CTNNBL1: variants seen among roughly 807,000 people sequenced by gnomAD.
CTNNBL1 encodes catenin beta like 1, also known as beta-catenin-like protein 1.
Under a neutral mutation model 72.7 loss-of-function variants are expected in CTNNBL1, and 31 were observed. The ratio of observed to expected loss-of-function variants is 0.43; its 90% confidence interval spans 0.32 to 0.58. The LOEUF (loss-of-function observed/expected upper bound fraction) is 0.58. CTNNBL1 is among the 20% of genes least tolerant of loss of function. The pLI is 0.08. For missense variants in CTNNBL1, 534 were observed against 725.1 expected, an observed-to-expected ratio of 0.74 and a Z score of 3.03; for synonymous variants, 240 against 267.3, an observed-to-expected ratio of 0.90 and a Z score of 1.00.
intron 7 of CTNNBL1, among the ~76,000 whole-genome samples, chr20:37,768,553 G>A (rs550950114): frequency 8.5e-5 from 13 of 152,252 alleles, no homozygotes; most frequent in South Asian, 8.3e-4. Context: ...TAAACAGTGC[G>A]GCTGTGAATA....
chr20:37,724,399 T>A (rs937941312), intron 1 of CTNNBL1, among the ~76,000 whole-genome samples: 5 of 151,992 alleles, frequency 3.3e-5, no homozygotes, highest in Non-Finnish European at 5.9e-5. Context: ...AGACTAGAAA[T>A]GTTTTACATT....
intron 1 of CTNNBL1, among the ~76,000 whole-genome samples, chr20:37,697,067 C>T (rs1340554531): frequency 2.0e-5 from 3 of 151,810 alleles, no homozygotes; most frequent in Non-Finnish European, 4.4e-5. Flanking sequence ...CCTGTAATCC[C>T]AGCTACTTGG....
intron 1 of CTNNBL1, among the ~76,000 whole-genome samples, chr20:37,709,641 T>C (rs1054785148): frequency 1.3e-5 from 2 of 152,162 alleles, no homozygotes; most frequent in African/African-American, 4.8e-5. Flanking sequence ...AAACACGTAA[T>C]GGGGGCTCTG....
chr20:37,761,099 A>T (rs1245074847), intron 5 of CTNNBL1, among the ~76,000 whole-genome samples: 1 of 152,058 alleles, frequency 6.6e-6, no homozygotes. Flanking sequence ...CTCGCTTCTG[A>T]TGGAATAATC....
intron 2 of CTNNBL1, among the ~76,000 whole-genome samples, chr20:37,737,090 G>A (rs1179416619): frequency 1.3e-5 from 2 of 152,052 alleles, no homozygotes; most frequent in East Asian, 3.9e-4. Context: ...CGGGCATGGG[G>A]GCATGTGCCT....
chr20:37,733,838 A>G (rs2073150423), intron 2 of CTNNBL1, among the ~76,000 whole-genome samples: 1 of 152,180 alleles, frequency 6.6e-6, no homozygotes, highest in Non-Finnish European at 1.5e-5. Flanking sequence ...CCTCCCATGA[A>G]AACAGAGACT....
chr20:37,770,616 A>T (rs1372720163), intron 7 of CTNNBL1, among the ~76,000 whole-genome samples: 1 of 150,712 alleles, frequency 6.6e-6, no homozygotes, highest in Non-Finnish European at 1.5e-5. Context: ...TTTGGCTTGG[A>T]TGCCGTTACC....
intron 15 of CTNNBL1, among the ~76,000 whole-genome samples, chr20:37,861,501 C>G (rs2072491646): frequency 6.6e-6 from 1 of 152,210 alleles, no homozygotes; most frequent in Non-Finnish European, 1.5e-5. Context: ...TAACTCTAGA[C>G]AAATCAGTGT....
chr20:37,850,013 G>A (rs1781588059), intron 13 of CTNNBL1, among the ~76,000 whole-genome samples: 1 of 152,190 alleles, frequency 6.6e-6, no homozygotes, highest in African/African-American at 2.4e-5. Context: ...GGGCCTGCAT[G>A]CTTATCTGTC....
intron 10 of CTNNBL1, among the ~76,000 whole-genome samples, chr20:37,795,115 G>A (rs372651181): frequency 6.6e-6 from 1 of 150,968 alleles, no homozygotes; most frequent in South Asian, 2.1e-4. Context: ...TTCATCACAG[G>A]TGGAAATTTT....
intron 1 of CTNNBL1, among the ~76,000 whole-genome samples, chr20:37,725,198 C>T (rs890747897): frequency 1.3e-5 from 2 of 152,182 alleles, no homozygotes; most frequent in African/African-American, 2.4e-5. Flanking sequence ...TGTGCCACTG[C>T]ACCCGGTTGG....
intron 10 of CTNNBL1, among the ~76,000 whole-genome samples, chr20:37,787,957 C>T (rs1370804204): frequency 6.6e-6 from 1 of 151,750 alleles, no homozygotes; most frequent in Non-Finnish European, 1.5e-5. Flanking sequence ...CTCCTACTGC[C>T]ATCTCTTTCA....
At chr20:37,836,874 T>G (rs113630297) in intron 11 of CTNNBL1, among the ~76,000 whole-genome samples, 55 of 152,204 alleles carry the variant, frequency 3.6e-4, no homozygotes, top group Non-Finnish European at 7.1e-4. Context: ...CGATGAGAAC[T>G]TTGGCTCTGA....
At chr20:37,825,079 G>A (rs940462447) in intron 11 of CTNNBL1, among the ~76,000 whole-genome samples, 18 of 152,234 alleles carry the variant, frequency 1.2e-4, no homozygotes, top group African/African-American at 3.1e-4. Flanking sequence ...TGGACTGGGC[G>A]TGGTGGCTCA....
At chr20:37,777,206 C>T (rs1002261576) in intron 7 of CTNNBL1, 139 bp from the exon 8 acceptor site, 7 of 642,558 alleles carry the variant, frequency 1.1e-5, no homozygotes, top group African/African-American at 7.3e-5. Flanking sequence ...CAGAGGCAGA[C>T]GTTTTTACCC....
intron 4 of CTNNBL1, among the ~76,000 whole-genome samples, chr20:37,753,578 C>T (rs758945064): frequency 2.3e-4 from 35 of 152,112 alleles, no homozygotes; most frequent in Non-Finnish European, 4.1e-4. Context: ...CATTGTGACC[C>T]GGAAAGGGGG....
intron 1 of CTNNBL1, 21 bp from the exon 2 acceptor site, chr20:37,732,858 C>T (rs1271596087): frequency 6.2e-7 from 1 of 1,609,456 alleles, no homozygotes; most frequent in African/African-American, 1.3e-5. Context: ...GCTCTAAAAT[C>T]TTATGTTTCT....
At chr20:37,751,986 A>G (rs2073323829) in intron 4 of CTNNBL1, among the ~76,000 whole-genome samples, 1 of 152,260 alleles carries the variant, frequency 6.6e-6, no homozygotes, top group Admixed American at 6.5e-5. Context: ...AACCAATTAA[A>G]TGTGCTCTGA....
At chr20:37,863,661 G>C (rs1045044253) in intron 15 of CTNNBL1, among the ~76,000 whole-genome samples, 3 of 152,088 alleles carry the variant, frequency 2.0e-5, no homozygotes. Context: ...GGGTGTGGCT[G>C]GGCAGGGCTC....
Sources: allele counts gnomAD v4.1 joint callset (sites outside exome capture counted in the v4.1 genomes callset), GRCh38; gene constraint gnomAD v4.1.1; transcripts MANE v1.5; gene names NCBI Gene and HGNC (gene_info 2026-07-23, HGNC 2026-07-21).